The following CCDC141 variants were observed in gnomAD, a reference collection of about 807,000 sequenced individuals.
CCDC141 encodes coiled-coil domain-containing protein 141.
Under a neutral mutation model 181.0 loss-of-function variants are expected in CCDC141, and 168 were observed. The observed-to-expected ratio is 0.93, with a 90% CI of 0.82 to 1.05. CCDC141 has a LOEUF of 1.05. Ranked by LOEUF, CCDC141 falls within the 50% of genes least tolerant of loss-of-function variation. The pLI is 0.00. For missense variants in CCDC141, 1,902 were observed against 1,788.5 expected, an observed-to-expected ratio of 1.06 and a Z score of -1.14; for synonymous variants, 666 against 642.3, an observed-to-expected ratio of 1.04 and a Z score of -0.56.
intron 11 of CCDC141, among the ~76,000 whole-genome samples, chr2:178,879,450 A>G (rs1350014856): frequency 6.6e-6 from 1 of 152,164 alleles, no homozygotes; most frequent in Admixed American, 6.5e-5. Flanking sequence ...CCATTTATAC[A>G]TGCCTCTATG....
intron 8 of CCDC141, among the ~76,000 whole-genome samples, chr2:178,890,354 A>G (rs533035717): frequency 6.6e-6 from 1 of 152,274 alleles, no homozygotes; most frequent in South Asian, 2.1e-4. Context: ...TATTTTACCA[A>G]CTAAACTTAG....
rs144270198 is a variant in CCDC141, at chr2:178,897,127, A to AC, written c.1265+8201dup. Among the ~76,000 whole-genome samples the AC allele has an allele frequency of 5.8e-3, 885 of 151,876 alleles. 9 individuals are homozygous for AC. Among genetic ancestry groups the AC allele is most frequent in the African/African-American group, 0.02 (842 of 41,410 alleles). On this transcript the variant is annotated intron_variant, in intron 8 of 23. Coordinates refer to ENST00000443758, the MANE Select transcript of CCDC141 (RefSeq NM_173648.4). ...GTCTAAAATGATCTCCTGCTCAGTCACTCTATCTCATTTCCCTTTTATATT... is the reference window on the plus strand; with the variant it reads ...GTCTAAAATGATCTCCTGCTCAGTCACCTCTATCTCATTTCCCTTTTATATT...
chr2:179,012,283 A>C (rs1171639889), intron 2 of CCDC141, among the ~76,000 whole-genome samples: 2 of 152,168 alleles, frequency 1.3e-5, no homozygotes, highest in African/African-American at 4.8e-5. Context: ...AAGAAACAAA[A>C]CAGGAGATAG....
At position 178,833,979 on chromosome 2, in the gene CCDC141, C is replaced by A; in HGVS notation, c.*194G>T. ...TTCTTATCCACTACAGATAATTTACCAAGCTTCTCAAATATATTAAACGCT... is the reference window on the plus strand; with the variant it reads ...TTCTTATCCACTACAGATAATTTACAAAGCTTCTCAAATATATTAAACGCT... On this transcript the variant is annotated 3_prime_UTR_variant, in exon 24 of 24. Transcript: ENST00000443758. 1.7e-6 allele frequency: 1 copy of A among 585,754 alleles called. No homozygotes were observed. Among genetic ancestry groups the A allele is most frequent in the Non-Finnish European group, 3.0e-6 (1 of 338,824 alleles). The allele number at this position is 585,754 out of a possible 1,614,324, so 36.3% of individuals were successfully genotyped here.
chr2:178,858,462 C>A (rs951361125), intron 17 of CCDC141, among the ~76,000 whole-genome samples: 1 of 152,020 alleles, frequency 6.6e-6, no homozygotes. Context: ...GGAAACCAGA[C>A]ATTATTGTTT....
At chr2:178,880,634 TG>T (rs1243803895) in intron 11 of CCDC141, among the ~76,000 whole-genome samples, 2 of 152,206 alleles carry the variant, frequency 1.3e-5, no homozygotes, top group Non-Finnish European at 2.9e-5. Flanking sequence ...TCAGCTTTGA[TG>T]TTTGCTAGTG....
intron 2 of CCDC141, among the ~76,000 whole-genome samples, chr2:179,009,903 T>C (rs562926825): frequency 1.1e-4 from 16 of 151,980 alleles, no homozygotes; most frequent in African/African-American, 1.9e-4. Context: ...CAAAACATGA[T>C]ACAAGAAGTG....
rs1233041100 is a variant in CCDC141, at chr2:178,839,603, AAAAAT to A, written c.3475-1864_3475-1860del. Among the ~76,000 whole-genome samples, 132 of 149,984 alleles carry A rather than the reference AAAAAT, an allele frequency of 8.8e-4. 5 individuals carry two copies. Among genetic ancestry groups the A allele is most frequent in the African/African-American group, 3.2e-3 (130 of 40,378 alleles). ...CTCCAAAAAAAAAAAAAAAAAAAAA[AAAAAT>A]GTGTTTTCAGGTTGAAGAGTCGAAG... On this transcript the variant is annotated intron_variant, in intron 22 of 23. Coordinates refer to ENST00000443758, the MANE Select transcript of CCDC141 (RefSeq NM_173648.4).
the CCDC141 span, chr2:178,817,406 A>T: frequency 4.5e-6 from 2 of 442,130 alleles, no homozygotes; most frequent in African/African-American, 2.0e-5. Flanking sequence ...GGTTTAGGAC[A>T]GAAGTACTTC....
intron 2 of CCDC141, among the ~76,000 whole-genome samples, chr2:179,034,676 G>C (rs748401094): frequency 6.6e-6 from 1 of 152,090 alleles, no homozygotes; most frequent in African/African-American, 2.4e-5. Flanking sequence ...TCAGTCCAAA[G>C]TCTCAACCAG....
intron 4 of CCDC141, among the ~76,000 whole-genome samples, chr2:178,970,907 T>A (rs952322741): frequency 6.6e-6 from 1 of 152,068 alleles, no homozygotes; most frequent in Admixed American, 6.6e-5. Context: ...ACAAATAATT[T>A]AAACAAATTT....
At chr2:178,987,540 C>A (rs374900237) in intron 2 of CCDC141, among the ~76,000 whole-genome samples, 143 of 151,820 alleles carry the variant, frequency 9.4e-4, no homozygotes, top group East Asian at 1.2e-3. Flanking sequence ...CAACCTACAA[C>A]ATGGGAGAAA....
chr2:178,889,493 G>T lies in CCDC141; in HGVS notation c.1266-825C>A, dbSNP rs565762362. 5.3e-5 allele frequency among the ~76,000 whole-genome samples: 8 copies of T among 152,236 alleles called. No individual in the cohort carries two copies. In the South Asian group the frequency reaches 1.0e-3, roughly 20 times the overall value. ...TTCCTTCACATACTGTATTAATAAA[G>T]ATGAACATGATAACCCTTAAATTTA... is the stretch of plus-strand genomic sequence containing the variant. On this transcript the variant is annotated intron_variant, in intron 8 of 23. Transcript: ENST00000443758.
At chr2:179,027,918 C>A (rs946487063) in intron 2 of CCDC141, among the ~76,000 whole-genome samples, 1 of 152,160 alleles carries the variant, frequency 6.6e-6, no homozygotes, top group Non-Finnish European at 1.5e-5. Flanking sequence ...GTTTGTTGTT[C>A]CCTTCTTTGC....
At chr2:179,019,108 A>T (rs1163100691) in intron 2 of CCDC141, among the ~76,000 whole-genome samples, 1 of 152,184 alleles carries the variant, frequency 6.6e-6, no homozygotes, top group Non-Finnish European at 1.5e-5. Flanking sequence ...CAAAAATAAA[A>T]CTGTGTCCAC....
At chr2:178,958,614 C>T (rs1387626874) in intron 5 of CCDC141, among the ~76,000 whole-genome samples, 1 of 152,142 alleles carries the variant, frequency 6.6e-6, no homozygotes, top group Non-Finnish European at 1.5e-5. Flanking sequence ...TGTATTTCTG[C>T]TTTCCAGGTT....
At chr2:178,972,479 C>T (rs1690937625) in intron 4 of CCDC141, among the ~76,000 whole-genome samples, 2 of 152,138 alleles carry the variant, frequency 1.3e-5, no homozygotes, top group Admixed American at 6.5e-5. Flanking sequence ...GAAGTACCCA[C>T]AGGAAGTATA....
At chr2:178,986,930 C>T (rs968500268) in intron 2 of CCDC141, among the ~76,000 whole-genome samples, 1 of 152,040 alleles carries the variant, frequency 6.6e-6, no homozygotes, top group African/African-American at 2.4e-5. Flanking sequence ...CCCCATCAAG[C>T]TACAAATGAC....
At chr2:178,822,712 G>GCAACATCAATGGAGGGCCGTTTA in the CCDC141 span, among the ~76,000 whole-genome samples, 1 of 152,088 alleles carries the variant, frequency 6.6e-6, no homozygotes, top group Non-Finnish European at 1.5e-5. Flanking sequence ...GTTTCTCAGG[G>GCAACATCAATGGAGGGCCGTTTA]CAACATCAAT....
Sources: gnomAD v4.1 joint callset for allele counts (sites outside exome capture counted in the v4.1 genomes callset) on GRCh38, gnomAD v4.1.1 for gene constraint, MANE v1.5 for transcripts, NCBI Gene and HGNC (gene_info 2026-07-23, HGNC 2026-07-21) for gene names.